The following DACH1 variants were observed in gnomAD, a reference collection of about 807,000 sequenced individuals.
DACH1 encodes the protein dachshund family transcription factor 1.
Under a neutral mutation model 54.2 loss-of-function variants are expected in DACH1, and 12 were observed. The observed-to-expected ratio is 0.22, with a 90% CI of 0.14 to 0.36. The LOEUF is 0.36. Among genes scored for constraint, DACH1 ranks in the 10% least tolerant of loss-of-function variants. The pLI, the probability that DACH1 is intolerant of heterozygous loss-of-function variation, is 1.00. For missense variants in DACH1, 805 were observed against 929.8 expected (o/e 0.87, Z 1.75); for synonymous variants, 386 against 366.2 (o/e 1.05, Z -0.62).
At chr13:71,776,244 C>T (rs1047895970) in intron 1 of DACH1, among the ~76,000 whole-genome samples, 6 of 152,016 alleles carry the variant, frequency 3.9e-5, no homozygotes, top group Admixed American at 6.6e-5. Flanking sequence ...TGTTTCACAA[C>T]CAAGGTTGGC....
At chr13:71,643,130 A>G (rs903483782) in intron 2 of DACH1, among the ~76,000 whole-genome samples, 9 of 152,186 alleles carry the variant, frequency 5.9e-5, no homozygotes, top group Admixed American at 5.9e-4. Context: ...TGCAATGTTC[A>G]CAGTGGCACA....
intron 1 of DACH1, among the ~76,000 whole-genome samples, chr13:71,848,947 C>T (rs1000830918): frequency 1.3e-5 from 2 of 152,128 alleles, no homozygotes; most frequent in Non-Finnish European, 2.9e-5. Context: ...TCCCACTATC[C>T]GACATCACTC....
rs576855539 is a variant in DACH1 at position 71,516,033 on chromosome 13, G to A, written c.1571-26885C>T. Among the ~76,000 whole-genome samples, 20 of 151,978 alleles carry A rather than the reference G, an allele frequency of 1.3e-4. No individual in the cohort carries two copies. The South Asian group carries it at 3.9e-3, about 30-fold the overall frequency. ...TCACGCTTATGGAAACAATAAGCAC[G>A]TTGGTAGGAGGATTTTTATCCATTG... On this transcript the variant is annotated intron_variant, in intron 6 of 10. Transcript: ENST00000613252.
At chr13:71,682,903 T>C (rs1880984644) in intron 1 of DACH1, among the ~76,000 whole-genome samples, 1 of 152,192 alleles carries the variant, frequency 6.6e-6, no homozygotes, top group Non-Finnish European at 1.5e-5. Context: ...GTTTTCACTT[T>C]CTGCCTCTGT....
chr13:71,808,995 G>A (rs1315016703), intron 1 of DACH1, among the ~76,000 whole-genome samples: 1 of 152,154 alleles, frequency 6.6e-6, no homozygotes, highest in Non-Finnish European at 1.5e-5. Context: ...TGACATATGT[G>A]TAATTCTGAA....
At chr13:71,856,724 C>T (rs1874026991) in intron 1 of DACH1, among the ~76,000 whole-genome samples, 1 of 151,862 alleles carries the variant, frequency 6.6e-6, no homozygotes, top group Admixed American at 6.6e-5. Context: ...CCTGCTTGCA[C>T]TCTTACCGAT....
chr13:71,778,397 G>A (rs492631), intron 1 of DACH1, among the ~76,000 whole-genome samples: 151,947 of 152,102 alleles, frequency 1, 75,896 homozygotes, highest in Non-Finnish European at 1. Context: ...GTAAATGTTA[G>A]AGGAATAAAC....
chr13:71,792,339 TACACAC>T (rs140037316), intron 1 of DACH1, among the ~76,000 whole-genome samples: 2,908 of 148,502 alleles, frequency 0.02, 95 homozygotes, highest in East Asian at 0.11. Flanking sequence ...AAGTGTTTTG[TACACAC>T]ACACACACAC....
chr13:71,630,242 C>A (rs1189031825), intron 3 of DACH1, among the ~76,000 whole-genome samples: 2 of 151,962 alleles, frequency 1.3e-5, no homozygotes, highest in African/African-American at 4.8e-5. Flanking sequence ...TCTCTGTCAC[C>A]TTAGCTACTC....
intron 1 of DACH1, among the ~76,000 whole-genome samples, chr13:71,809,623 C>T (rs1887635347): frequency 6.6e-6 from 1 of 152,116 alleles, no homozygotes; most frequent in Admixed American, 6.6e-5. Flanking sequence ...CATATAGTAA[C>T]ATCAATTTCT....
chr13:71,589,924 C>T (rs992970530), intron 3 of DACH1, among the ~76,000 whole-genome samples: 2 of 151,936 alleles, frequency 1.3e-5, no homozygotes, highest in Non-Finnish European at 2.9e-5. Flanking sequence ...TTTATTAAAC[C>T]ATGCCAGAGA....
chr13:71,443,742 A>G (rs1359128497), intron 10 of DACH1, among the ~76,000 whole-genome samples: 1 of 151,862 alleles, frequency 6.6e-6, no homozygotes, highest in East Asian at 1.9e-4. Context: ...TTGGCCCCTA[A>G]CTGTCATTTC....
chr13:71,817,520 A>G (rs1888006744), intron 1 of DACH1, among the ~76,000 whole-genome samples: 1 of 152,220 alleles, frequency 6.6e-6, no homozygotes, highest in Non-Finnish European at 1.5e-5. Flanking sequence ...CCTGCACTCA[A>G]CAATGTCGCA....
In DACH1 at chr13:71,455,775, C is replaced by T. The variant is rs1354225458; in HGVS notation, c.2084-15083G>A. ...GAAACAAGGCAACATATTTAGTGTT[C>T]CTGAGAACTTTTGATTTAGTGATTG... On this transcript the variant is annotated intron_variant, in intron 10 of 10. Transcript: ENST00000613252. 2.0e-5 allele frequency among the ~76,000 whole-genome samples: 3 copies of T among 152,096 alleles called. No individual in the cohort carries two copies. In the South Asian group the frequency reaches 6.2e-4, roughly 32 times the overall value.
intron 10 of DACH1, among the ~76,000 whole-genome samples, chr13:71,462,907 CACACACACAT>C (rs56866067): frequency 0.19 from 20,331 of 108,820 alleles, 1,374 homozygotes; most frequent in South Asian, 0.29. Context: ...CACACACACA[CACACACACAT>C]AAACCATGAA....
chr13:71,656,712 G>T (rs1406213917), intron 2 of DACH1, among the ~76,000 whole-genome samples: 1 of 150,984 alleles, frequency 6.6e-6, no homozygotes, highest in Non-Finnish European at 1.5e-5. Context: ...TCAAAACACT[G>T]TTATATCTCC....
rs571911432 is a variant in DACH1, at chr13:71,451,324, C to T, written c.2084-10632G>A. Among the ~76,000 whole-genome samples, 47 of 152,268 alleles carry T rather than the reference C, an allele frequency of 3.1e-4. 1 individual carries two copies. In the South Asian group the frequency reaches 9.7e-3, roughly 32 times the overall value. ...ACAAGTATAATGCTTCACTATCCTA[C>T]AGAAATTTCTGAAAGACTGGCTATA... On this transcript the variant is annotated intron_variant, in intron 10 of 10. Transcript: ENST00000613252.
At chr13:71,693,593 C>A (rs142427541) in intron 1 of DACH1, among the ~76,000 whole-genome samples, 2,075 of 150,924 alleles carry the variant, frequency 0.014, 33 homozygotes, top group African/African-American at 0.036. Context: ...GCTGGGATTA[C>A]AGGCGTGAGC....
At chr13:71,571,798 C>A (rs140837202) in intron 4 of DACH1, among the ~76,000 whole-genome samples, 1 of 149,350 alleles carries the variant, frequency 6.7e-6, no homozygotes. Flanking sequence ...TGCAGTGGCA[C>A]GATCTCAGCT....
Sources: gnomAD v4.1 joint callset for allele counts (sites outside exome capture counted in the v4.1 genomes callset) on GRCh38, gnomAD v4.1.1 for gene constraint, MANE v1.5 for transcripts, NCBI Gene and HGNC (gene_info 2026-07-23, HGNC 2026-07-21) for gene names.